DPP6: variants seen among roughly 807,000 people sequenced by gnomAD.
DPP6 encodes the protein dipeptidyl peptidase like 6.
DPP6 carries 69 observed loss-of-function variants against 122.6 expected under a neutral mutation model. The observed-to-expected ratio is 0.56, with a 90% confidence interval of 0.46 to 0.69. The LOEUF (loss-of-function observed/expected upper bound fraction) is 0.69, where lower values mean the gene tolerates loss of function less well. DPP6 is among the 30% of genes least tolerant of loss of function. The pLI is 0.00. For synonymous variants in DPP6, 418 were observed against 433.1 expected, an observed-to-expected ratio of 0.97 and a Z score of 0.43; for missense variants, 928 against 1,116.9, an observed-to-expected ratio of 0.83 and a Z score of 2.41.
intron 1 of DPP6, among the ~76,000 whole-genome samples, chr7:153,977,170 G>A (rs1796349629): frequency 6.6e-6 from 1 of 151,210 alleles, no homozygotes; most frequent in Admixed American, 6.6e-5. Flanking sequence ...ATGGTAGGTG[G>A]CATTTGCATT....
intron 1 of DPP6, among the ~76,000 whole-genome samples, chr7:154,224,172 G>A (rs1479787970): frequency 6.7e-6 from 1 of 148,732 alleles, no homozygotes; most frequent in Non-Finnish European, 1.5e-5. Context: ...TGATGGTTGA[G>A]TGGAGAGAAA....
chr7:153,994,748 G>T (rs942575310), intron 1 of DPP6, among the ~76,000 whole-genome samples: 17 of 152,086 alleles, frequency 1.1e-4, no homozygotes, highest in African/African-American at 4.1e-4. Flanking sequence ...TATAATACAA[G>T]TCAAAATTAA....
At chr7:154,327,047 C>G (rs1808505809) in intron 1 of DPP6, among the ~76,000 whole-genome samples, 1 of 151,996 alleles carries the variant, frequency 6.6e-6, no homozygotes, top group South Asian at 2.1e-4. Flanking sequence ...ACGCCTGTGT[C>G]TAGGTGTCTT....
At chr7:154,032,544 C>G (rs970606826) in intron 1 of DPP6, among the ~76,000 whole-genome samples, 2 of 152,162 alleles carry the variant, frequency 1.3e-5, no homozygotes, top group Middle Eastern at 3.2e-3. Flanking sequence ...AATAAAAAAT[C>G]TAACTCCTGT....
chr7:154,761,487 A>G (rs1563181823), intron 8 of DPP6, among the ~76,000 whole-genome samples: 2 of 147,560 alleles, frequency 1.4e-5, no homozygotes. Context: ...ATTGCGATAA[A>G]GAAATCCCCG....
Position 154,053,248 on chromosome 7 carries a change from G to A in DPP6, c.243+185G>A, listed in dbSNP as rs989523244. ...TCGCGGTCACCGCGTCCCGGAGGGAGCGGGTCTGTGTCTGCAGCCGCGGCG... is the reference window on the plus strand; with the variant it reads ...TCGCGGTCACCGCGTCCCGGAGGGAACGGGTCTGTGTCTGCAGCCGCGGCG... On this transcript the variant is annotated intron_variant, in intron 1 of 25. Coordinates refer to ENST00000377770, the MANE Select transcript of DPP6 (RefSeq NM_130797.4). Among the ~76,000 whole-genome samples the A allele has an allele frequency of 3.3e-4, 50 of 150,820 alleles. 1 individual carries two copies. In the South Asian group the frequency reaches 0.01, roughly 31 times the overall value.
At chr7:154,142,256 A>C (rs1444430632) in intron 1 of DPP6, among the ~76,000 whole-genome samples, 3 of 151,952 alleles carry the variant, frequency 2.0e-5, no homozygotes, top group Admixed American at 2.0e-4. Context: ...ATTTAAGTGA[A>C]ATTAACACAA....
chr7:154,226,622 A>C (rs1437210556), intron 1 of DPP6, among the ~76,000 whole-genome samples: 1 of 152,336 alleles, frequency 6.6e-6, no homozygotes, highest in African/African-American at 2.4e-5. Flanking sequence ...GACAGTGGAC[A>C]TGTGATCCTA....
intron 1 of DPP6, among the ~76,000 whole-genome samples, chr7:154,366,123 T>A (rs1812169637): frequency 6.6e-6 from 1 of 152,170 alleles, no homozygotes; most frequent in Non-Finnish European, 1.5e-5. Context: ...AGCCTGGCTC[T>A]GAGCAAAATT....
chr7:153,934,172 G>A (rs115627730), intron 1 of DPP6, among the ~76,000 whole-genome samples: 404 of 152,222 alleles, frequency 2.7e-3, no homozygotes, highest in African/African-American at 9.0e-3. Flanking sequence ...CATCTAATTT[G>A]AAGCACCTTT....
chr7:153,850,145 G>A, the DPP6 span, among the ~76,000 whole-genome samples: 20 of 152,132 alleles, frequency 1.3e-4, 1 homozygote, highest in Admixed American at 1.0e-3. Context: ...TTCTGTGGTC[G>A]GGAGTCCAGA....
At chr7:154,345,126 C>T (rs1318526758) in intron 1 of DPP6, among the ~76,000 whole-genome samples, 2 of 152,126 alleles carry the variant, frequency 1.3e-5, no homozygotes, top group Admixed American at 6.5e-5. Context: ...GTTCTAGAGG[C>T]TGAAAGTCGA....
At chr7:154,505,792 A>C (rs939083415) in intron 3 of DPP6, among the ~76,000 whole-genome samples, 1 of 152,144 alleles carries the variant, frequency 6.6e-6, no homozygotes, top group East Asian at 1.9e-4. Flanking sequence ...CTAAAGTCGT[A>C]CTTGTCATTT....
chr7:153,808,758 C>T, the DPP6 span, among the ~76,000 whole-genome samples: 1 of 151,958 alleles, frequency 6.6e-6, no homozygotes, highest in Admixed American at 6.6e-5. Flanking sequence ...AATAACATTT[C>T]ATTTGATAGT....
the DPP6 span, among the ~76,000 whole-genome samples, chr7:153,800,135 G>C: frequency 7.9e-3 from 1,201 of 152,278 alleles, 13 homozygotes; most frequent in African/African-American, 0.028. Context: ...TTTTATTACA[G>C]CACTATTCTC....
At chr7:154,558,111 C>G (rs145682835) in intron 4 of DPP6, among the ~76,000 whole-genome samples, 2,359 of 152,086 alleles carry the variant, frequency 0.016, 30 homozygotes, top group South Asian at 0.036. Flanking sequence ...CCTCCACCCC[C>G]CCACAGGCCC....
intron 6 of DPP6, among the ~76,000 whole-genome samples, chr7:154,647,232 G>A (rs1836541217): frequency 6.6e-6 from 1 of 152,176 alleles, no homozygotes; most frequent in South Asian, 2.1e-4. Flanking sequence ...TGGCTTTGAA[G>A]GCTACCTGGG....
rs1386074360 is a variant in DPP6, at chr7:154,663,977, A to G, written c.681-5383A>G. ...ATGGCGTATTGGCGCTAGTATTCAT[A>G]TAGTCATGATGAATCACCATAGCGT... is the stretch of plus-strand genomic sequence containing the variant. On this transcript the variant is annotated intron_variant, in intron 6 of 25. Transcript: ENST00000377770. Among the ~76,000 whole-genome samples the G allele has an allele frequency of 8.3e-5, 8 of 96,956 alleles. No individual in the cohort carries two copies. In the East Asian group the frequency reaches 1.2e-3, roughly 15 times the overall value. 63.6% of individuals were successfully genotyped at this position (96,956 alleles called of 152,430 possible).
intron 1 of DPP6, among the ~76,000 whole-genome samples, chr7:153,958,129 G>T (rs892656695): frequency 6.6e-6 from 1 of 152,026 alleles, no homozygotes; most frequent in African/African-American, 2.4e-5. Flanking sequence ...ACACCACTGC[G>T]CTCCAGCCTG....
Sources: gnomAD v4.1 joint callset for allele counts (sites outside exome capture counted in the v4.1 genomes callset) on GRCh38, gnomAD v4.1.1 for gene constraint, MANE v1.5 for transcripts, NCBI Gene and HGNC (gene_info 2026-07-23, HGNC 2026-07-21) for gene names.